RBM34: variants seen among roughly 807,000 people sequenced by gnomAD.
The protein encoded by RBM34 is RNA binding motif protein 34, also known as RNA-binding protein 34.
In RBM34, 39 loss-of-function variants were observed where a neutral mutation model predicts 44.6. The observed-to-expected ratio is 0.87, with a 90% CI of 0.68 to 1.14. RBM34 has a LOEUF of 1.14. Ranked by LOEUF, RBM34 falls within the 50% of genes most tolerant of loss-of-function variation. The pLI, the probability that RBM34 is intolerant of heterozygous loss-of-function variation, is 0.00. For synonymous variants in RBM34, 194 were observed against 184.0 expected (o/e 1.05, Z -0.44); for missense variants, 572 against 517.9 (o/e 1.10, Z -1.01).
rs771286005 is a variant in RBM34 at position 235,131,910 on chromosome 1, CTTTA to C, written c.1092_1095del (p.Asn364LysfsTer13). On this transcript the variant is annotated frameshift_variant, in exon 11 of 11. Coordinates refer to ENST00000408888, the MANE Select transcript of RBM34 (RefSeq NM_015014.4). LOFTEE classifies it high-confidence loss of function. ...TTTGAATTTTGTTGTTTAAATTTTTCTTTATTAACAGAACGCATGACTCTGAGTT... is the reference window on the plus strand; with the variant it reads ...TTTGAATTTTGTTGTTTAAATTTTTCTTAACAGAACGCATGACTCTGAGTT... 2.9e-5 allele frequency: 47 copies of C among 1,613,688 alleles called. No homozygotes were observed. The highest frequency in any genetic ancestry group is 3.7e-5 in the Non-Finnish European group (44 of 1,179,834).
intron 6 of RBM34, among the ~76,000 whole-genome samples, chr1:235,144,152 G>A (rs1201654315): frequency 1.3e-5 from 2 of 151,894 alleles, no homozygotes; most frequent in African/African-American, 4.8e-5. Flanking sequence ...CTCCAGCCTG[G>A]GCAACAGCAG....
intron 6 of RBM34, among the ~76,000 whole-genome samples, chr1:235,144,740 T>C (rs1026624909): frequency 2.0e-5 from 3 of 151,988 alleles, no homozygotes; most frequent in Non-Finnish European, 2.9e-5. Context: ...AGCAACACTC[T>C]ATCTCTTAAA....
rs773730440 is a variant in RBM34, at chr1:235,137,895, G to A, written c.831C>T (p.Leu277=). ...IADGFRIRVD[L]ASETSSRDKR... is the part of the protein sequence containing the mutation. ...TACTTACAGATGAGGTCTCAGATGC[G>A]AGATCAACTCTAATACGAAATCCAT... Residue 277 remains leucine (L), a synonymous_variant, in exon 8 of 11, where the codon CTC becomes CTT. Coordinates refer to ENST00000408888, the MANE Select transcript of RBM34 (RefSeq NM_015014.4). 35 of 1,599,404 alleles carry A rather than the reference G, an allele frequency of 2.2e-5. No individual in the cohort carries two copies. The highest frequency in any genetic ancestry group is 1.2e-4 in the South Asian group (11 of 89,894).
Position 235,153,059 on chromosome 1 carries a change from G to A in RBM34, c.598-294C>T, listed in dbSNP as rs534443364. On this transcript the variant is annotated intron_variant, in intron 4 of 10. Transcript: ENST00000408888. ...TAATTTTCGTATTTTTAGTAGAGAC[G>A]GGGTTTCGCCATGTTGGCCAGTCTG... is the stretch of plus-strand genomic sequence containing the variant. Among the ~76,000 whole-genome samples the A allele has an allele frequency of 1.5e-4, 23 of 152,034 alleles. No individual in the cohort carries two copies. The East Asian group carries it at 3.7e-3, about 24-fold the overall frequency.
At chr1:235,161,104 A>T (rs1662701142) in intron 1 of RBM34, 37 bp from the exon 2 acceptor site, 1 of 1,607,200 alleles carries the variant, frequency 6.2e-7, no homozygotes, top group Admixed American at 1.7e-5. Context: ...CACGCCACGC[A>T]CCACCGCTTC....
intron 8 of RBM34, 151 bp downstream of exon 8, chr1:235,137,726 G>A: frequency 1.8e-6 from 1 of 559,018 alleles, no homozygotes; most frequent in Non-Finnish European, 3.1e-6. Flanking sequence ...TGCCTCTCTT[G>A]CCATCAACTC....
Position 235,161,157 on chromosome 1 carries a change from T to G in RBM34, c.53+17A>C, listed in dbSNP as rs1662704266. On this transcript the variant is annotated intron_variant, in intron 1 of 10. Coordinates refer to ENST00000408888, the MANE Select transcript of RBM34 (RefSeq NM_015014.4). The stretch of plus-strand genomic sequence containing the variant: ...TACAACATCCCTCCCCAGGTACTCG[T>G]GCCGCGCGCCACTCACCCCTCCTGG... 1.3e-5 allele frequency: 20 copies of G among 1,599,410 alleles called. No individual in the cohort carries two copies. The highest frequency in any genetic ancestry group is 1.6e-5 in the Non-Finnish European group (19 of 1,169,962).
rs754345170 is a variant in RBM34 at position 235,135,665 on chromosome 1, T to G, written c.995A>C (p.Tyr332Ser). ...AGTCTCCCATACCTCAAAGAGCACATAGCCAAACCCTTTGCCGATGCCTGT... is the reference window on the plus strand; with the variant it reads ...AGTCTCCCATACCTCAAAGAGCACAGAGCCAAACCCTTTGCCGATGCCTGT... ...KMTGIGKGFG[Y>S]VLFENTDSVH... Residue 332 changes from tyrosine to serine, a missense_variant, in exon 10 of 11, where the codon TAT becomes TCT. Physicochemically the swap from Tyr to Ser is moderately radical, Grantham distance 144 (BLOSUM62 -2). Transcript: ENST00000408888. 20 of 1,613,684 alleles carry G rather than the reference T, an allele frequency of 1.2e-5. No individual in the cohort carries two copies. The highest frequency in any genetic ancestry group is 1.6e-5 in the Non-Finnish European group (19 of 1,179,670).
chr1:235,139,205 G>A (rs910632279), intron 6 of RBM34, among the ~76,000 whole-genome samples: 5 of 152,166 alleles, frequency 3.3e-5, no homozygotes, highest in African/African-American at 4.8e-5. Context: ...TCAACCTACT[G>A]TTTTGAAGTA....
At chr1:235,153,771 G>A (rs1204656265) in intron 4 of RBM34, among the ~76,000 whole-genome samples, 1 of 152,152 alleles carries the variant, frequency 6.6e-6, no homozygotes, top group Non-Finnish European at 1.5e-5. Context: ...AGTTTAAACT[G>A]TCCTTCAAAA....
chr1:235,159,136 C>A (rs892799031), intron 3 of RBM34, among the ~76,000 whole-genome samples: 5 of 149,494 alleles, frequency 3.3e-5, no homozygotes, highest in African/African-American at 1.2e-4. Context: ...TGGATTGAGT[C>A]TGGGAAGCAA....
At position 235,161,163 on chromosome 1, in the gene RBM34, G is replaced by T. The variant is rs942807640; in HGVS notation, c.53+11C>A. ...ATCCCTCCCCAGGTACTCGTGCCGC[G>T]CGCCACTCACCCCTCCTGGACACTT... On this transcript the variant is annotated intron_variant, in intron 1 of 10. Transcript: ENST00000408888. 2 of 1,599,240 alleles carry T rather than the reference G, an allele frequency of 1.3e-6. No homozygotes were observed. The highest frequency in any genetic ancestry group is 2.7e-5 in the African/African-American group (2 of 74,690).
At chr1:235,156,455 T>C (rs1662447435) in intron 3 of RBM34, 2 of 273,382 alleles carry the variant, frequency 7.3e-6, no homozygotes, top group Admixed American at 1.0e-4. Flanking sequence ...TCTAGACCTT[T>C]AGGGGCACTA....
At chr1:235,154,817 C>T (rs989298173) in intron 4 of RBM34, 64 bp downstream of exon 4, 26 of 1,245,730 alleles carry the variant, frequency 2.1e-5, no homozygotes, top group Admixed American at 1.3e-4. Flanking sequence ...CTATTGAATG[C>T]TTATTCAACA....
At chr1:235,151,850 T>C (rs543039522) in intron 5 of RBM34, among the ~76,000 whole-genome samples, 33 of 151,852 alleles carry the variant, frequency 2.2e-4, no homozygotes, top group Non-Finnish European at 4.6e-4. Context: ...CTGGATAACA[T>C]GGTGAAACCC....
In RBM34 at chr1:235,160,770, G is replaced by A. The variant is rs1049322677; in HGVS notation, c.228+123C>T. ...TCACTGGTATGTAAGAGTCATGAAA[G>A]GTTACTTAAAATGAATCCTGTCTGC... On this transcript the variant is annotated intron_variant, in intron 2 of 10. Transcript: ENST00000408888. 6.0e-6 allele frequency: 9 copies of A among 1,507,784 alleles called. No individual in the cohort carries two copies. The Admixed American group carries it at 1.6e-4, about 27-fold the overall frequency. The allele number at this position is 1,507,784 out of a possible 1,614,324, so 93.4% of individuals were successfully genotyped here.
chr1:235,145,279 T>C (rs1180778183), intron 6 of RBM34, among the ~76,000 whole-genome samples: 1 of 147,520 alleles, frequency 6.8e-6, no homozygotes, highest in African/African-American at 2.5e-5. Context: ...CTCAAAAACA[T>C]ACTTTTTTTT....
chr1:235,142,924 C>T (rs998103488), intron 6 of RBM34, among the ~76,000 whole-genome samples: 1 of 71,182 alleles, frequency 1.4e-5, no homozygotes, highest in African/African-American at 5.6e-5. Flanking sequence ...AAGGATCCAT[C>T]TCAAAAAAAA....
chr1:235,137,150 A>G (rs1572144114), intron 8 of RBM34, among the ~76,000 whole-genome samples: 1 of 152,310 alleles, frequency 6.6e-6, no homozygotes, highest in East Asian at 1.9e-4. Context: ...TGCATTGATG[A>G]TAGTACTTAT....
Sources: gnomAD v4.1 joint callset for allele counts (sites outside exome capture counted in the v4.1 genomes callset) on GRCh38, gnomAD v4.1.1 for gene constraint, MANE v1.5 for transcripts, NCBI Gene and HGNC (gene_info 2026-07-23, HGNC 2026-07-21) for gene names.